WDR86: variants seen among roughly 807,000 people sequenced by gnomAD.
WDR86 encodes the protein WD repeat-containing protein 86.
In WDR86, 30 loss-of-function variants were observed where a neutral mutation model predicts 36.5. The ratio of observed to expected loss-of-function variants is 0.82; its 90% CI spans 0.61 to 1.11. WDR86 has a LOEUF of 1.11. WDR86 is among the 50% of genes most tolerant of loss of function. The pLI is 0.00. For missense variants in WDR86, 545 were observed against 561.2 expected (o/e 0.97, Z 0.29); for synonymous variants, 255 against 252.9 (o/e 1.01, Z -0.08).
In WDR86 at chr7:151,381,509, C is replaced by T; in HGVS notation, c.*73G>A. Reference sequence around the variant, plus strand: ...CCTCGCCGGCCATCGGGCGCCACCACCGCGGGTAGCAGGGCGGGGCGCTCT... The same window carrying T: ...CCTCGCCGGCCATCGGGCGCCACCATCGCGGGTAGCAGGGCGGGGCGCTCT... On this transcript the variant is annotated 3_prime_UTR_variant, in exon 6 of 6. Transcript: ENST00000334493. The surrounding 1 kb of genome is among the most constrained non-coding windows in gnomAD (Gnocchi z 4.8). 1 of 1,448,244 alleles carries T rather than the reference C, an allele frequency of 6.9e-7. No individual in the cohort carries two copies. The highest frequency in any genetic ancestry group is 9.0e-7 in the Non-Finnish European group (1 of 1,110,528). 89.7% of individuals were successfully genotyped at this position (1,448,244 alleles called of 1,614,324 possible). A position where few individuals can be genotyped will look rare whatever the true frequency, so the allele number is the denominator to read the frequency against.
intron 1 of WDR86, among the ~76,000 whole-genome samples, chr7:151,403,590 C>T (rs1382793196): frequency 1.3e-5 from 2 of 152,106 alleles, no homozygotes; most frequent in African/African-American, 2.4e-5. Context: ...TTCCAGCCTC[C>T]CTGGAGGGCA....
At position 151,395,977 on chromosome 7, in the gene WDR86, G is replaced by T; in HGVS notation, c.525C>A (p.Ala175=). 1 of 1,597,216 alleles carries T rather than the reference G, an allele frequency of 6.3e-7. No individual in the cohort carries two copies. Among genetic ancestry groups the T allele is most frequent in the Non-Finnish European group, 8.5e-7 (1 of 1,173,896 alleles). Residue 175 remains alanine (A), a synonymous_variant, in exon 3 of 6, where the codon GCC becomes GCA. Transcript: ENST00000334493. ...LLVTGSTDGT[A]KVWQVASGCC... ...AGCCGCTGGCCACCTGCCACACCTT[G>T]GCTGTGCCATCTGTGCTGCCGGTCA...
At chr7:151,374,060 C>G, downstream of WDR86, 1 of 1,531,554 alleles carries the variant, frequency 6.5e-7, no homozygotes, top group South Asian at 1.2e-5. Flanking sequence ...AAATCTCAGT[C>G]CCTAACTTGG....
chr7:151,391,799 C>T (rs1458010012), intron 3 of WDR86, among the ~76,000 whole-genome samples: 2 of 152,156 alleles, frequency 1.3e-5, no homozygotes, highest in African/African-American at 4.8e-5. Context: ...TCCCGTCTAC[C>T]GAGAATCTAG....
chr7:151,400,646 G>A (rs1800218609), intron 1 of WDR86, among the ~76,000 whole-genome samples: 1 of 152,214 alleles, frequency 6.6e-6, no homozygotes, highest in Admixed American at 6.5e-5. Context: ...GCCTCCCAAA[G>A]TGCTGGAATT....
chr7:151,376,683 T>C, downstream of WDR86: 2 of 1,610,900 alleles, frequency 1.2e-6, no homozygotes, highest in Non-Finnish European at 1.7e-6. Flanking sequence ...GCGCTGAGAG[T>C]GTTCAGAGGC....
rs1192835444 is a variant in WDR86 at position 151,406,204 on chromosome 7, G to T, written c.163+3223C>A. On this transcript the variant is annotated intron_variant, in intron 1 of 5. Transcript: ENST00000334493. The surrounding 1 kb of genome is among the most constrained non-coding windows in gnomAD (Gnocchi z 4.4). ...GGGCTCCCCACACGCCGGTTCTGCA[G>T]CCCACTCTCCCTGGGGCCTCCGGGA... Among the ~76,000 whole-genome samples, 2 of 152,190 alleles carry T rather than the reference G, an allele frequency of 1.3e-5. No homozygotes were observed. Among genetic ancestry groups the T allele is most frequent in the African/African-American group, 2.4e-5 (1 of 41,450 alleles).
At chr7:151,400,930 C>T (rs1800239779) in intron 1 of WDR86, among the ~76,000 whole-genome samples, 1 of 152,226 alleles carries the variant, frequency 6.6e-6, no homozygotes, top group Admixed American at 6.5e-5. Flanking sequence ...TACCGGTCCT[C>T]ACAGTGACCC....
chr7:151,399,289 G>A (rs543090939), intron 2 of WDR86, among the ~76,000 whole-genome samples: 121 of 152,266 alleles, frequency 7.9e-4, no homozygotes, highest in African/African-American at 2.5e-3. Context: ...CCCCCCATGC[G>A]CTGGTCCACT....
rs1424957482 is a variant in WDR86, at chr7:151,409,652, C to T, written c.-63G>A. On this transcript the variant is annotated 5_prime_UTR_variant, in exon 1 of 6. Transcript: ENST00000334493. The surrounding 1 kb of genome is among the most constrained non-coding windows in gnomAD (Gnocchi z 5.2). ...CCGCTAGGGAGGGGCGCCCCGGGGT[C>T]CGCGCGGCGGCTCCGTACGACTGCG... 2.8e-5 allele frequency: 37 copies of T among 1,317,854 alleles called. No homozygotes were observed. Among genetic ancestry groups the T allele is most frequent in the Non-Finnish European group, 3.1e-5 (32 of 1,037,716 alleles). 81.6% of individuals were successfully genotyped at this position (1,317,854 alleles called of 1,614,324 possible). A position where few individuals can be genotyped will look rare whatever the true frequency, so the allele number is the denominator to read the frequency against.
At chr7:151,380,113 C>G (rs1200556458), downstream of WDR86, among the ~76,000 whole-genome samples, 3 of 152,202 alleles carry the variant, frequency 2.0e-5, no homozygotes, top group East Asian at 5.8e-4. Flanking sequence ...TGCATGGTGC[C>G]GTTTCTGCGG....
Position 151,385,112 on chromosome 7 carries a change from C to A in WDR86, c.838G>T (p.Ala280Ser), listed in dbSNP as rs201530566. 1.2e-6 allele frequency: 2 copies of A among 1,609,616 alleles called. No homozygotes were observed. Among genetic ancestry groups the A allele is most frequent in the African/African-American group, 2.7e-5 (2 of 74,984 alleles). ...CAGGTGCCCGCGTGGTACTTGAGGG[C>A]GCTCACGTTGCGTCTGTGGGCCGTG... is the stretch of plus-strand genomic sequence containing the variant. ...TFTAHRRNVS[A>S]LKYHAGTLFT... Residue 280 changes from alanine to serine, a missense_variant, in exon 4 of 6, where the codon GCC becomes TCC. Physicochemically the swap from Ala to Ser is moderately conservative, Grantham distance 99. Coordinates refer to ENST00000334493, the MANE Select transcript of WDR86 (RefSeq NM_198285.3).
In WDR86 at chr7:151,410,007, G is replaced by A; in HGVS notation, c.-418C>T. On this transcript the variant is annotated 5_prime_UTR_variant, in exon 1 of 6. Coordinates refer to ENST00000334493, the MANE Select transcript of WDR86 (RefSeq NM_198285.3). The stretch of plus-strand genomic sequence containing the variant: ...GAACACGGGAAGCCGAGCGCCCCGC[G>A]CCCTCCCCGGCCGAGCGCGGAACAA... 3 of 996,444 alleles carry A rather than the reference G, an allele frequency of 3.0e-6. No homozygotes were observed. The highest frequency in any genetic ancestry group is 3.6e-6 in the Non-Finnish European group (3 of 837,666). 61.7% of individuals were successfully genotyped at this position (996,444 alleles called of 1,614,324 possible).
chr7:151,410,136 C>G (rs370915333), upstream of WDR86: 378 of 951,002 alleles, frequency 4.0e-4, 1 homozygote, highest in Middle Eastern at 5.3e-4. Context: ...CAGCCTCCCC[C>G]CTTCGTCGCT....
At chr7:151,410,143 C>A (rs1801111115), upstream of WDR86, 10 of 932,968 alleles carry the variant, frequency 1.1e-5, no homozygotes, top group Non-Finnish European at 1.3e-5. Context: ...CCCCCTTCGT[C>A]GCTGTGCGGG....
rs563538595 is a variant in WDR86 at position 151,388,092 on chromosome 7, A to T, written c.727-2869T>A. The stretch of plus-strand genomic sequence containing the variant: ...GGCTCCTCAGGGTTGGGTGAGACTC[A>T]TGAACTGGTACGACAGGGCTTTTGC... On this transcript the variant is annotated intron_variant, in intron 3 of 5. Transcript: ENST00000334493. This position sits in a 1 kb window ranked among gnomAD's most constrained non-coding sequence, Gnocchi z 4.2. Among the ~76,000 whole-genome samples, 1 of 152,204 alleles carries T rather than the reference A, an allele frequency of 6.6e-6. No individual in the cohort carries two copies. The highest frequency in any genetic ancestry group is 2.4e-5 in the African/African-American group (1 of 41,452).
At chr7:151,399,957 C>T (rs1800159985) in intron 2 of WDR86, 143 bp downstream of exon 2, 2 of 707,360 alleles carry the variant, frequency 2.8e-6, no homozygotes, top group Non-Finnish European at 4.2e-6. Context: ...CTGGGTGCTA[C>T]TGACCACCTC....
chr7:151,409,698 A>C lies in WDR86; in HGVS notation c.-109T>G. The C allele has an allele frequency of 7.7e-7, 1 of 1,297,490 alleles. No homozygotes were observed. 80.4% of individuals were successfully genotyped at this position (1,297,490 alleles called of 1,614,324 possible). ...CTGCGGCCCGCGGCCATCGCGGGGAACGGGGAGCCCGACTCCTGCGGAGGC... is the reference window on the plus strand; with the variant it reads ...CTGCGGCCCGCGGCCATCGCGGGGACCGGGGAGCCCGACTCCTGCGGAGGC... On this transcript the variant is annotated 5_prime_UTR_variant, in exon 1 of 6. Coordinates refer to ENST00000334493, the MANE Select transcript of WDR86 (RefSeq NM_198285.3). This position sits in a 1 kb window ranked among gnomAD's most constrained non-coding sequence, Gnocchi z 5.2.
chr7:151,377,875 G>A (rs924377274), downstream of WDR86: 2 of 152,196 alleles, frequency 1.3e-5, no homozygotes, highest in Non-Finnish European at 1.5e-5. Flanking sequence ...AAGATTGAGT[G>A]TCAGGCTTTA....
Sources: gnomAD v4.1 joint callset for allele counts (sites outside exome capture counted in the v4.1 genomes callset) on GRCh38, gnomAD v4.1.1 for gene constraint, Gnocchi (gnomAD v3.1) non-coding constraint, MANE v1.5 for transcripts, NCBI Gene and HGNC (gene_info 2026-07-23, HGNC 2026-07-21) for gene names.